The following CD38 variants were observed in gnomAD, a reference collection of about 807,000 sequenced individuals.
CD38 encodes ADP-ribosyl cyclase/cyclic ADP-ribose hydrolase 1.
Under a neutral mutation model 36.3 loss-of-function variants are expected in CD38, and 31 were observed. That is an observed-to-expected ratio of 0.85 (90% confidence interval 0.64 to 1.15). The LOEUF (loss-of-function observed/expected upper bound fraction) is 1.15, where lower values mean the gene tolerates loss of function less well. Ranked by LOEUF, CD38 falls within the 50% of genes most tolerant of loss-of-function variation. The pLI, the probability that CD38 is intolerant of heterozygous loss-of-function variation, is 0.00. For missense variants in CD38, 380 were observed against 371.9 expected (o/e 1.02, Z -0.18); for synonymous variants, 131 against 135.2 (o/e 0.97, Z 0.22).
chr4:15,791,888 G>T (rs1723006144), intron 1 of CD38, among the ~76,000 whole-genome samples: 1 of 90,314 alleles, frequency 1.1e-5, no homozygotes, highest in Non-Finnish European at 2.0e-5. Context: ...GAAGTGAGGA[G>T]CCCCTCTGCC....
intron 1 of CD38, among the ~76,000 whole-genome samples, chr4:15,798,371 A>T (rs899160810): frequency 6.6e-6 from 1 of 152,218 alleles, no homozygotes; most frequent in African/African-American, 2.4e-5. Context: ...TACCTGGAAC[A>T]GAGGGCAGGG....
Position 15,838,165 on chromosome 4 carries a change from G to T in CD38, c.659G>T (p.Ser220Ile), listed in dbSNP as rs747810765. 6.2e-7 allele frequency: 1 copy of T among 1,606,914 alleles called. No homozygotes were observed. Among genetic ancestry groups the T allele is most frequent in the South Asian group, 1.1e-5 (1 of 90,888 alleles). Residue 220 changes from serine (S) to isoleucine (I), a missense_variant and splice_region_variant, in exon 5 of 8, where the codon AGC (serine) becomes ATC (isoleucine). Transcript: ENST00000226279. ...CGCAGTAAAATCTTTGACAAAAACA[G>T]GTACACATTTATTTTGCATCCTGTT... ...GSRSKIFDKNSTFGSVEVHNL... is the reference protein window; with the variant it reads ...GSRSKIFDKNITFGSVEVHNL...
At chr4:15,797,140 G>A (rs1327862426) in intron 1 of CD38, among the ~76,000 whole-genome samples, 3 of 151,974 alleles carry the variant, frequency 2.0e-5, no homozygotes, top group Non-Finnish European at 4.4e-5. Flanking sequence ...GATTTTTGCT[G>A]GTCTGATAAG....
chr4:15,841,493 T>A (rs940819285), intron 7 of CD38, among the ~76,000 whole-genome samples: 2 of 152,188 alleles, frequency 1.3e-5, no homozygotes, highest in African/African-American at 4.8e-5. Context: ...CTACAGCAGT[T>A]AGACAGGAAA....
At chr4:15,816,444 T>C in intron 1 of CD38, 67 bp from the exon 2 acceptor site, 2 of 1,359,606 alleles carry the variant, frequency 1.5e-6, no homozygotes, top group South Asian at 2.7e-5. Flanking sequence ...TTCTAAAAAA[T>C]AATTATGCTC....
At chr4:15,779,963 A>G (rs1046511150) in intron 1 of CD38, among the ~76,000 whole-genome samples, 24 of 152,324 alleles carry the variant, frequency 1.6e-4, no homozygotes, top group Admixed American at 5.2e-4. Flanking sequence ...CCATTCATTC[A>G]TCCAACAAGT....
rs998219781 is a variant in CD38, at chr4:15,850,482, G to A, written c.*1880G>A. 1 of 152,108 alleles carries A rather than the reference G, an allele frequency of 6.6e-6. No homozygotes were observed. Among genetic ancestry groups the A allele is most frequent in the East Asian group, 1.9e-4 (1 of 5,196 alleles). 9.4% of individuals were successfully genotyped at this position (152,108 alleles called of 1,614,324 possible). A position where few individuals can be genotyped will look rare whatever the true frequency, so the allele number is the denominator to read the frequency against. ...CTTGAACAAAATGCCTAACCTTTCT[G>A]AACTTCAACTTCCTTGCCACTCAAA... On this transcript the variant is annotated 3_prime_UTR_variant, in exon 8 of 8. Coordinates refer to ENST00000226279, the MANE Select transcript of CD38 (RefSeq NM_001775.4).
chr4:15,848,438 G>A, intron 7 of CD38, 101 bp from the exon 8 acceptor site: 1 of 766,592 alleles, frequency 1.3e-6, no homozygotes, highest in Non-Finnish European at 2.3e-6. Flanking sequence ...AGTGGTCTGT[G>A]CACCTTGTCG....
chr4:15,834,807 G>T (rs1279609896), intron 4 of CD38, among the ~76,000 whole-genome samples: 1 of 152,176 alleles, frequency 6.6e-6, no homozygotes, highest in African/African-American at 2.4e-5. Context: ...GAATTAGTAA[G>T]AGGCATATGT....
At chr4:15,822,267 C>T (rs767611885) in intron 2 of CD38, among the ~76,000 whole-genome samples, 6 of 152,062 alleles carry the variant, frequency 3.9e-5, no homozygotes, top group African/African-American at 7.2e-5. Context: ...GAAGCATTCC[C>T]CTTGAAAACC....
At position 15,838,075 on chromosome 4, in the gene CD38, G is replaced by A. The variant is rs776594734; in HGVS notation, c.586-17G>A. 6.3e-7 allele frequency: 1 copy of A among 1,584,356 alleles called. No individual in the cohort carries two copies. The highest frequency in any genetic ancestry group is 1.1e-5 in the South Asian group (1 of 90,400). On this transcript the variant is annotated splice_polypyrimidine_tract_variant and intron_variant, in intron 4 of 7. Coordinates refer to ENST00000226279, the MANE Select transcript of CD38 (RefSeq NM_001775.4). ...ATTAAGTTTGCATGATGAATGGTGG[G>A]CATTTTTTTTTTTAAGTTTGCAGAA...
At chr4:15,820,070 C>A (rs1282353675) in intron 2 of CD38, among the ~76,000 whole-genome samples, 2 of 152,146 alleles carry the variant, frequency 1.3e-5, no homozygotes, top group Admixed American at 1.3e-4. Flanking sequence ...AATTTCCAAC[C>A]TTGAATTTCA....
chr4:15,790,086 C>T (rs964623880), intron 1 of CD38, among the ~76,000 whole-genome samples: 2 of 149,602 alleles, frequency 1.3e-5, no homozygotes, highest in African/African-American at 2.5e-5. Context: ...GTGCAAAGGC[C>T]TTGAAAAGCA....
At chr4:15,793,606 A>G (rs1723050430) in intron 1 of CD38, among the ~76,000 whole-genome samples, 1 of 152,186 alleles carries the variant, frequency 6.6e-6, no homozygotes, top group African/African-American at 2.4e-5. Flanking sequence ...TCAAAATACT[A>G]TGTACCAGTG....
In CD38 at chr4:15,849,147, C is replaced by T. The variant is rs1360239364; in HGVS notation, c.*545C>T. On this transcript the variant is annotated 3_prime_UTR_variant, in exon 8 of 8. Transcript: ENST00000226279. ...CACGTACTTGGTGCTTTACCCCAAC[C>T]CTTCCAACAGTGCTGTGAGGTTGGT... 2 of 152,262 alleles carry T rather than the reference C, an allele frequency of 1.3e-5. No individual in the cohort carries two copies. The highest frequency in any genetic ancestry group is 2.9e-5 in the Non-Finnish European group (2 of 68,094). 9.4% of individuals were successfully genotyped at this position (152,262 alleles called of 1,614,324 possible).
In CD38 at chr4:15,848,525, C is replaced by A; in HGVS notation, c.840-14C>A. ...TACGGTCTCTTGATTTCCTTTTTTG[C>A]TTTCTTGTCATAGACCTGACAAGTT... On this transcript the variant is annotated splice_polypyrimidine_tract_variant and intron_variant, in intron 7 of 7. Transcript: ENST00000226279. 6.2e-7 allele frequency: 1 copy of A among 1,608,004 alleles called. No homozygotes were observed. Among genetic ancestry groups the A allele is most frequent in the Non-Finnish European group, 8.5e-7 (1 of 1,174,984 alleles).
intron 1 of CD38, among the ~76,000 whole-genome samples, chr4:15,786,134 G>A (rs981655833): frequency 5.3e-5 from 8 of 152,240 alleles, no homozygotes; most frequent in East Asian, 1.9e-4. Context: ...CAAAGAGTGA[G>A]CAGCAGCAAG....
chr4:15,779,188 T>G (rs1722632399), intron 1 of CD38, among the ~76,000 whole-genome samples: 1 of 152,098 alleles, frequency 6.6e-6, no homozygotes, highest in South Asian at 2.1e-4. Flanking sequence ...GAACTTAGTT[T>G]TATTCATTTA....
At chr4:15,807,840 A>C (rs1282578511) in intron 1 of CD38, among the ~76,000 whole-genome samples, 1 of 152,212 alleles carries the variant, frequency 6.6e-6, no homozygotes, top group Non-Finnish European at 1.5e-5. Context: ...CTGAAAACTA[A>C]ATCCAGAATC....
Sources: gnomAD v4.1 joint callset for allele counts (sites outside exome capture counted in the v4.1 genomes callset) on GRCh38, gnomAD v4.1.1 for gene constraint, MANE v1.5 for transcripts, NCBI Gene and HGNC (gene_info 2026-07-23, HGNC 2026-07-21) for gene names.